Variants in MYO9A observed in about 807,000 individuals in gnomAD.
MYO9A encodes the protein myosin IXA, also known as unconventional myosin-IXa.
In MYO9A, 103 loss-of-function variants were observed where a neutral mutation model predicts 293.3. That is an observed-to-expected ratio of 0.35 (90% CI 0.30 to 0.41). MYO9A has a LOEUF of 0.41. Ranked by LOEUF, MYO9A falls within the 10% of genes least tolerant of loss-of-function variation. The pLI, the probability that MYO9A is intolerant of heterozygous loss-of-function variation, is 1.00. For synonymous variants in MYO9A, 1,001 were observed against 1,035.7 expected (o/e 0.97, Z 0.64); for missense variants, 2,685 against 3,033.0 (o/e 0.89, Z 2.69).
chr15:72,010,081 A>G (rs747498893), intron 7 of MYO9A, among the ~76,000 whole-genome samples: 5 of 152,220 alleles, frequency 3.3e-5, no homozygotes, highest in Non-Finnish European at 5.9e-5. Flanking sequence ...AGTAAGGTCC[A>G]TGGATAGGCT....
At chr15:71,936,430 TAAC>T in intron 16 of MYO9A, among the ~76,000 whole-genome samples, 1 of 152,156 alleles carries the variant, frequency 6.6e-6, no homozygotes, top group East Asian at 1.9e-4. Context: ...TGATTATAGT[TAAC>T]AATAAGGTAT....
At chr15:71,884,758 C>G in intron 27 of MYO9A, among the ~76,000 whole-genome samples, 1 of 152,144 alleles carries the variant, frequency 6.6e-6, no homozygotes, top group East Asian at 1.9e-4. Flanking sequence ...TCTGTTCAAT[C>G]ATTCAATTAA....
chr15:72,007,274 G>C (rs2077042925), intron 8 of MYO9A, among the ~76,000 whole-genome samples: 1 of 151,906 alleles, frequency 6.6e-6, no homozygotes, highest in Non-Finnish European at 1.5e-5. Flanking sequence ...AGAGAAATTA[G>C]CTAAGAAAAC....
rs1281443805 is a variant in MYO9A at position 71,826,014 on chromosome 15, TTTTTTTTG to T, written c.*558_*565del. On this transcript the variant is annotated 3_prime_UTR_variant, in exon 42 of 42. Coordinates refer to ENST00000356056, the MANE Select transcript of MYO9A (RefSeq NM_006901.4). Reference sequence around the variant, plus strand: ...TTTTTTGTTTTTTTTTTTTTGTTTTTTTTTTTTGTTTTTGCTTTCCCCAGAATATAACA... The same window carrying T: ...TTTTTTGTTTTTTTTTTTTTGTTTTTTTTTTGCTTTCCCCAGAATATAACA... 1.5e-5 allele frequency: 2 copies of T among 135,472 alleles called. No homozygotes were observed. Among genetic ancestry groups the T allele is most frequent in the East Asian group, 2.3e-4 (1 of 4,404 alleles). 8.4% of individuals were successfully genotyped at this position (135,472 alleles called of 1,614,324 possible).
At chr15:72,118,272 C>T (rs2151302492), upstream of MYO9A, 1 of 300,454 alleles carries the variant, frequency 3.3e-6, no homozygotes, top group East Asian at 5.5e-5. Flanking sequence ...TCCTACGCCC[C>T]AGGCGGCCCC....
Position 71,959,969 on chromosome 15 carries a change from A to T in MYO9A, c.2114T>A (p.Leu705His). The stretch of plus-strand genomic sequence containing the variant: ...AACCATGGCTCTGAAAAAAGCTCGG[A>T]GAATTGCCCATCGGAAAACAGCTAC... Reference protein sequence around the residue: ...DPVAVFRWAILRAFFRAMVAF... With the variant: ...DPVAVFRWAIHRAFFRAMVAF... Residue 705 changes from leucine (L) to histidine (H), a missense_variant, in exon 14 of 42, where the codon CTC becomes CAC. By Grantham distance (99) the Leu-to-His change is moderately conservative. Transcript: ENST00000356056. 6.2e-7 allele frequency: 1 copy of T among 1,614,102 alleles called. No homozygotes were observed. Among genetic ancestry groups the T allele is most frequent in the Non-Finnish European group, 8.5e-7 (1 of 1,179,988 alleles).
chr15:71,959,890 C>T lies in MYO9A; in HGVS notation c.2182+11G>A. ...ATGAAGTATGGTAGAATACTAATAACTACTACTTACCAGTTTTTCTGTGAA... is the reference window on the plus strand; with the variant it reads ...ATGAAGTATGGTAGAATACTAATAATTACTACTTACCAGTTTTTCTGTGAA... On this transcript the variant is annotated intron_variant, in intron 14 of 41. Transcript: ENST00000356056. 2 of 1,432,136 alleles carry T rather than the reference C, an allele frequency of 1.4e-6. No individual in the cohort carries two copies. The highest frequency in any genetic ancestry group is 1.9e-6 in the Non-Finnish European group (2 of 1,032,622). The allele number at this position is 1,432,136 out of a possible 1,614,324, so 88.7% of individuals were successfully genotyped here.
chr15:72,093,663 G>A (rs2079989047), intron 1 of MYO9A, among the ~76,000 whole-genome samples: 2 of 127,638 alleles, frequency 1.6e-5, no homozygotes, highest in Non-Finnish European at 3.7e-5. Context: ...GAGATGGGTG[G>A]ATCACTTGAG....
rs149934603 is a variant in MYO9A at position 72,032,067 on chromosome 15, C to T, written c.935+427G>A. On this transcript the variant is annotated intron_variant, in intron 3 of 41. Transcript: ENST00000356056. ...GACTACAGGTTTGCGCCACTGTGCCCGGCTGATTTTTGTTATTTTTTAGTG... is the reference window on the plus strand; with the variant it reads ...GACTACAGGTTTGCGCCACTGTGCCTGGCTGATTTTTGTTATTTTTTAGTG... Among the ~76,000 whole-genome samples, 6 of 152,010 alleles carry T rather than the reference C, an allele frequency of 3.9e-5. No homozygotes were observed. In the East Asian group the frequency reaches 1.2e-3, roughly 29 times the overall value.
chr15:72,111,242 C>T (rs2080769420), intron 1 of MYO9A, among the ~76,000 whole-genome samples: 2 of 151,820 alleles, frequency 1.3e-5, no homozygotes, highest in Admixed American at 6.6e-5. Flanking sequence ...ATAATCCCAG[C>T]ATTTTGGGAG....
chr15:72,116,233 G>A (rs1370641457), intron 1 of MYO9A, among the ~76,000 whole-genome samples: 3 of 152,084 alleles, frequency 2.0e-5, no homozygotes, highest in Admixed American at 6.5e-5. Context: ...TGGCTTTTAC[G>A]TCTAGTTATT....
intron 3 of MYO9A, among the ~76,000 whole-genome samples, chr15:72,028,218 A>AATAT (rs33914430): frequency 0.069 from 9,227 of 134,082 alleles, 360 homozygotes; most frequent in South Asian, 0.11. Context: ...TAAATAAATA[A>AATAT]ATATATATAT....
At chr15:71,965,290 TGTTA>T (rs1188680916) in intron 13 of MYO9A, among the ~76,000 whole-genome samples, 23 of 152,254 alleles carry the variant, frequency 1.5e-4, no homozygotes, top group African/African-American at 4.1e-4. Flanking sequence ...TTGCTTGTTC[TGTTA>T]GTTACTAACA....
chr15:71,855,835 A>T (rs1343728510), intron 34 of MYO9A, among the ~76,000 whole-genome samples: 5 of 152,164 alleles, frequency 3.3e-5, no homozygotes, highest in Non-Finnish European at 7.3e-5. Context: ...CTGTTTTATT[A>T]TCCTCAAAAA....
chr15:71,976,112 G>A (rs1389948680), intron 12 of MYO9A, among the ~76,000 whole-genome samples: 1 of 152,124 alleles, frequency 6.6e-6, no homozygotes, highest in Admixed American at 6.5e-5. Flanking sequence ...GTGCAGTTTT[G>A]GGGACTGAGC....
At chr15:71,842,846 C>T (rs1472776780) in intron 39 of MYO9A, among the ~76,000 whole-genome samples, 2 of 143,148 alleles carry the variant, frequency 1.4e-5, no homozygotes, top group Admixed American at 7.2e-5. Flanking sequence ...GGTGACAGAG[C>T]GAGACTCCAC....
At chr15:72,026,181 G>A (rs1048760601) in intron 4 of MYO9A, among the ~76,000 whole-genome samples, 6 of 150,156 alleles carry the variant, frequency 4.0e-5, no homozygotes, top group Admixed American at 3.3e-4. Context: ...GCTGAGGCAG[G>A]AGAATGGCGT....
intron 1 of MYO9A, among the ~76,000 whole-genome samples, chr15:72,081,491 T>C (rs1025243579): frequency 3.3e-4 from 7 of 21,392 alleles, no homozygotes; most frequent in African/African-American, 5.4e-4. Context: ...TTTTCTTCCA[T>C]TCTGTAGACT....
chr15:71,994,730 A>G (rs780874605), intron 9 of MYO9A, 145 bp from the exon 10 acceptor site: 4 of 548,780 alleles, frequency 7.3e-6, no homozygotes, highest in South Asian at 3.2e-5. Flanking sequence ...ATCTATAACT[A>G]AAGTTTTTTG....
Sources: gnomAD v4.1 joint callset for allele counts (sites outside exome capture counted in the v4.1 genomes callset) on GRCh38, gnomAD v4.1.1 for gene constraint, MANE v1.5 for transcripts, NCBI Gene and HGNC (gene_info 2026-07-23, HGNC 2026-07-21) for gene names.